The following TANC2 variants were observed in gnomAD, a reference collection of about 807,000 sequenced individuals.
The protein encoded by TANC2 is protein TANC2.
A neutral mutation model predicts 210.5 loss-of-function variants in TANC2; 26 were observed. The ratio of observed to expected loss-of-function variants is 0.12; its 90% CI spans 0.09 to 0.17. The LOEUF (loss-of-function observed/expected upper bound fraction) is 0.17. Ranked by LOEUF, TANC2 falls within the 10% of genes least tolerant of loss-of-function variation. The pLI, the probability that TANC2 is intolerant of heterozygous loss-of-function variation, is 1.00. For missense variants in TANC2, 2,129 were observed against 2,608.9 expected, an observed-to-expected ratio of 0.82 and a Z score of 4.01; for synonymous variants, 931 against 967.1, an observed-to-expected ratio of 0.96 and a Z score of 0.69.
intron 5 of TANC2, chr17:63,155,210 AAAAAAC>A (rs1186992851): frequency 7.9e-5 from 12 of 152,080 alleles, no homozygotes; most frequent in African/African-American, 2.4e-4. Context: ...CTATCTTTAA[AAAAAAC>A]AAAAACAAAA....
chr17:63,300,576 T>C (rs920038668), intron 9 of TANC2, among the ~76,000 whole-genome samples: 1 of 152,214 alleles, frequency 6.6e-6, no homozygotes, highest in African/African-American at 2.4e-5. Context: ...TTTGGCTCTC[T>C]GCTTGTCTAA....
intron 2 of TANC2, among the ~76,000 whole-genome samples, chr17:63,043,051 A>G (rs572894117): frequency 2.6e-5 from 4 of 152,272 alleles, no homozygotes; most frequent in African/African-American, 4.8e-5. Flanking sequence ...TTGTATAACC[A>G]TAACCTATTT....
rs377300538 is a variant in TANC2 at position 63,396,633 on chromosome 17, A to G, written c.3237+705A>G. On this transcript the variant is annotated intron_variant, in intron 18 of 27. Coordinates refer to ENST00000689528, the Ensembl canonical transcript of TANC2. ...AGAATGTGTTGCCGTGGAATACTAC[A>G]CAGCCGTAAGAAGAACAAAATCATG... 3 of 152,346 alleles carry G rather than the reference A, an allele frequency of 2.0e-5. No homozygotes were observed. The East Asian group carries it at 5.8e-4, about 29-fold the overall frequency. The allele number at this position is 152,346 out of a possible 1,614,324, so 9.4% of individuals were successfully genotyped here.
intron 24 of TANC2, chr17:63,413,256 C>A: frequency 3.3e-6 from 1 of 303,682 alleles, no homozygotes. Flanking sequence ...AAAATAATTC[C>A]AAACTGAGCC....
chr17:63,092,724 A>G (rs2037245464), intron 3 of TANC2, among the ~76,000 whole-genome samples: 1 of 152,042 alleles, frequency 6.6e-6, no homozygotes, highest in Admixed American at 6.5e-5. Context: ...ACCATATCTC[A>G]TGAGAACTCA....
At chr17:63,168,545 T>C (rs2040293481) in intron 5 of TANC2, among the ~76,000 whole-genome samples, 1 of 152,216 alleles carries the variant, frequency 6.6e-6, no homozygotes, top group Non-Finnish European at 1.5e-5. Context: ...TTAAAACAAA[T>C]TATTCTAGAG....
At chr17:63,069,765 T>C (rs1212434497) in intron 2 of TANC2, among the ~76,000 whole-genome samples, 1 of 152,242 alleles carries the variant, frequency 6.6e-6, no homozygotes, top group Non-Finnish European at 1.5e-5. Context: ...AGTAATTTGT[T>C]GATGTCTGTC....
At chr17:63,202,595 C>G (rs1352984490) in intron 7 of TANC2, among the ~76,000 whole-genome samples, 1 of 152,110 alleles carries the variant, frequency 6.6e-6, no homozygotes, top group African/African-American at 2.4e-5. Context: ...GTTCCATCAT[C>G]TATGATATTG....
chr17:63,233,228 C>T (rs530458912), intron 7 of TANC2, among the ~76,000 whole-genome samples: 19 of 151,952 alleles, frequency 1.3e-4, no homozygotes, highest in African/African-American at 4.4e-4. Context: ...CCTGGGAACT[C>T]GGTAGTCTTA....
At chr17:63,237,556 GTT>G (rs753200647) in intron 7 of TANC2, among the ~76,000 whole-genome samples, 4 of 152,042 alleles carry the variant, frequency 2.6e-5, no homozygotes, top group Non-Finnish European at 5.9e-5. Flanking sequence ...GTCCAGAAAA[GTT>G]TTCTGTAGGT....
chr17:63,280,114 AG>A (rs1232518289), intron 9 of TANC2, among the ~76,000 whole-genome samples: 2 of 152,084 alleles, frequency 1.3e-5, no homozygotes, highest in African/African-American at 2.4e-5. Flanking sequence ...ATTTCATCCA[AG>A]TCCTTTGTTT....
intron 7 of TANC2, among the ~76,000 whole-genome samples, chr17:63,213,877 G>C (rs904666361): frequency 6.6e-6 from 1 of 152,170 alleles, no homozygotes; most frequent in African/African-American, 2.4e-5. Flanking sequence ...TTCAGCACCA[G>C]GACTGCCTTA....
chr17:63,417,321 A>G (rs761816121), intron 26 of TANC2, among the ~76,000 whole-genome samples: 4 of 152,270 alleles, frequency 2.6e-5, no homozygotes, highest in South Asian at 2.1e-4. Context: ...CTACCATGCT[A>G]TACTGTGGCT....
intron 2 of TANC2, among the ~76,000 whole-genome samples, chr17:63,011,024 G>C (rs932506043): frequency 6.6e-6 from 1 of 152,028 alleles, no homozygotes; most frequent in Non-Finnish European, 1.5e-5. Flanking sequence ...CTCCTCTCTA[G>C]AAATCAGACG....
intron 14 of TANC2, among the ~76,000 whole-genome samples, chr17:63,366,733 T>A (rs2047121549): frequency 6.6e-6 from 1 of 152,240 alleles, no homozygotes; most frequent in Non-Finnish European, 1.5e-5. Context: ...ACTTACAGTT[T>A]ACTTTCACAA....
chr17:63,190,833 G>T (rs549845215), intron 5 of TANC2, among the ~76,000 whole-genome samples: 1 of 152,070 alleles, frequency 6.6e-6, no homozygotes, highest in Non-Finnish European at 1.5e-5. Flanking sequence ...GTATGTCAAA[G>T]AATTTTCTTA....
Position 63,069,396 on chromosome 17 carries a change from A to G in TANC2, c.68-4547A>G, listed in dbSNP as rs551648171. Among the ~76,000 whole-genome samples, 168 of 152,266 alleles carry G rather than the reference A, an allele frequency of 1.1e-3. 1 individual carries two copies. The highest frequency in any genetic ancestry group is 1.9e-3 in the Non-Finnish European group (129 of 68,016). On this transcript the variant is annotated intron_variant, in intron 2 of 27. Coordinates refer to ENST00000689528, the Ensembl canonical transcript of TANC2. Reference sequence around the variant, plus strand: ...AATTGTAACAACCAAAAATGTCCCTAGAAGTCCGTGGTTTGCTCCTGGTTG... The same window carrying G: ...AATTGTAACAACCAAAAATGTCCCTGGAAGTCCGTGGTTTGCTCCTGGTTG...
chr17:63,154,504 T>C (rs567757666), intron 5 of TANC2: 1 of 152,290 alleles, frequency 6.6e-6, no homozygotes, highest in South Asian at 2.1e-4. Context: ...TCCTACACTC[T>C]ATCACTTTTC....
intron 5 of TANC2, among the ~76,000 whole-genome samples, chr17:63,181,585 G>T (rs530488953): frequency 6.6e-6 from 1 of 152,202 alleles, no homozygotes; most frequent in African/African-American, 2.4e-5. Context: ...TCATTGCCCT[G>T]TGGGCCCTAC....
Sources: allele counts gnomAD v4.1 joint callset (sites outside exome capture counted in the v4.1 genomes callset), GRCh38; gene constraint gnomAD v4.1.1; transcripts MANE v1.5; gene names NCBI Gene and HGNC (gene_info 2026-07-23, HGNC 2026-07-21).